Variants in DOCK7 observed in about 807,000 individuals in gnomAD.
DOCK7 encodes the protein dedicator of cytokinesis protein 7.
Under a neutral mutation model 271.0 loss-of-function variants are expected in DOCK7, and 138 were observed. The observed-to-expected ratio is 0.51, with a 90% confidence interval of 0.44 to 0.59. The LOEUF (loss-of-function observed/expected upper bound fraction) is 0.59, where lower values mean the gene tolerates loss of function less well. Among genes scored for constraint, DOCK7 ranks in the 20% least tolerant of loss-of-function variants. The pLI is 0.00. For missense variants in DOCK7, 2,066 were observed against 2,592.4 expected (o/e 0.80, Z 4.41); for synonymous variants, 823 against 876.1 (o/e 0.94, Z 1.07).
intron 1 of DOCK7, among the ~76,000 whole-genome samples, chr1:62,674,334 G>T (rs935076812): frequency 8.5e-5 from 13 of 152,062 alleles, no homozygotes. Context: ...CATTTTCATG[G>T]ATTGGAAGAC....
chr1:62,602,174 A>C (rs527315290), intron 14 of DOCK7: 2 of 872,970 alleles, frequency 2.3e-6, no homozygotes, highest in African/African-American at 3.4e-5. Context: ...CCATAACATT[A>C]ATAAACTACC....
chr1:62,464,408 G>A (rs141044502), intron 48 of DOCK7, among the ~76,000 whole-genome samples: 5,607 of 150,740 alleles, frequency 0.037, 256 homozygotes, highest in African/African-American at 0.11. Context: ...TTGGCTGGGC[G>A]CAGTGGCTCA....
At chr1:62,673,559 A>C (rs1660232255) in intron 1 of DOCK7, among the ~76,000 whole-genome samples, 1 of 152,178 alleles carries the variant, frequency 6.6e-6, no homozygotes, top group Non-Finnish European at 1.5e-5. Context: ...GAGAGAAAAG[A>C]AAAGTATCTA....
At chr1:62,538,792 C>T (rs1467973850) in intron 27 of DOCK7, among the ~76,000 whole-genome samples, 1 of 152,162 alleles carries the variant, frequency 6.6e-6, no homozygotes, top group Admixed American at 6.5e-5. Flanking sequence ...AATCTGTAGA[C>T]CAGTTGTGAG....
At chr1:62,493,397 A>T (rs1271083482) in intron 40 of DOCK7, among the ~76,000 whole-genome samples, 2 of 152,200 alleles carry the variant, frequency 1.3e-5, no homozygotes, top group Non-Finnish European at 2.9e-5. Context: ...TTTGAAGTAG[A>T]TCTAAGGCCT....
chr1:62,598,020 C>T, intron 14 of DOCK7: 2 of 1,576,270 alleles, frequency 1.3e-6, no homozygotes, highest in Non-Finnish European at 8.5e-7. Context: ...AATTCAAAAT[C>T]AACCTGAAAC....
intron 16 of DOCK7, among the ~76,000 whole-genome samples, chr1:62,579,784 A>G (rs986600663): frequency 1.3e-5 from 2 of 151,698 alleles, no homozygotes; most frequent in East Asian, 1.9e-4. Context: ...AAAAAAAGTT[A>G]CCTAAATCCT....
chr1:62,482,987 CA>C (rs1646172581), intron 43 of DOCK7: 1 of 152,020 alleles, frequency 6.6e-6, no homozygotes, highest in Non-Finnish European at 1.5e-5. Context: ...ATATCATCTA[CA>C]TAGTAAATAT....
chr1:62,675,258 C>T (rs889898627), intron 1 of DOCK7, among the ~76,000 whole-genome samples: 1 of 151,926 alleles, frequency 6.6e-6, no homozygotes. Context: ...AAAAAATTAG[C>T]CAGATGTGGT....
At chr1:62,679,877 G>T (rs958177762) in intron 1 of DOCK7, among the ~76,000 whole-genome samples, 2 of 152,086 alleles carry the variant, frequency 1.3e-5, no homozygotes, top group African/African-American at 4.8e-5. Context: ...ACTGCTCAAC[G>T]AAATAAAAGA....
chr1:62,659,536 C>T (rs190250082), intron 2 of DOCK7, among the ~76,000 whole-genome samples: 2 of 151,006 alleles, frequency 1.3e-5, no homozygotes, highest in East Asian at 3.9e-4. Flanking sequence ...AGATTTAAAC[C>T]CTAACAGAGT....
At chr1:62,456,706 T>G (rs1169240640) in intron 49 of DOCK7, among the ~76,000 whole-genome samples, 1 of 151,988 alleles carries the variant, frequency 6.6e-6, no homozygotes, top group Admixed American at 6.6e-5. Flanking sequence ...TCCATGGAGA[T>G]CTGAAGGAAC....
chr1:62,672,893 C>A (rs1326074518), intron 1 of DOCK7, among the ~76,000 whole-genome samples: 1 of 152,040 alleles, frequency 6.6e-6, no homozygotes, highest in Non-Finnish European at 1.5e-5. Flanking sequence ...AATGATTTGT[C>A]TATTTTCCAA....
At chr1:62,528,092 T>C (rs1025038025) in intron 31 of DOCK7, 59 bp downstream of exon 31, 18 of 1,544,308 alleles carry the variant, frequency 1.2e-5, no homozygotes, top group East Asian at 2.3e-5. Flanking sequence ...TTTAAGGGCA[T>C]ATCCTAGTAA....
At chr1:62,573,894 C>A (rs545812439) in intron 18 of DOCK7, among the ~76,000 whole-genome samples, 47 of 152,162 alleles carry the variant, frequency 3.1e-4, no homozygotes, top group Admixed American at 2.1e-3. Flanking sequence ...CCTTCCAAAG[C>A]ACTGGGATTA....
intron 37 of DOCK7, among the ~76,000 whole-genome samples, chr1:62,497,118 G>C (rs1442059201): frequency 6.6e-6 from 1 of 151,952 alleles, no homozygotes; most frequent in Non-Finnish European, 1.5e-5. Flanking sequence ...TTACATCTTT[G>C]TATATTTAAA....
intron 10 of DOCK7, among the ~76,000 whole-genome samples, chr1:62,632,371 G>A (rs1654730070): frequency 6.6e-6 from 1 of 152,122 alleles, no homozygotes; most frequent in Non-Finnish European, 1.5e-5. Flanking sequence ...ATGACAACCT[G>A]GGGACAGCCA....
At position 62,542,642 on chromosome 1, in the gene DOCK7, G is replaced by A; in HGVS notation, c.3011C>T (p.Ala1004Val). 3.1e-6 allele frequency: 5 copies of A among 1,612,998 alleles called. No individual in the cohort carries two copies. The highest frequency in any genetic ancestry group is 3.4e-6 in the Non-Finnish European group (4 of 1,179,362). The change falls in exon 25 of 50, where the codon GCT becomes GTT. Residue 1004 changes from alanine (A) to valine (V), a missense_variant. Transcript: ENST00000635253. ...VVCSGSVRES[A>V]LQQAWFFFEL... is the part of the protein sequence containing the mutation. ...AAAAAAGAACCAGGCTTGTTGCAAA[G>A]CTGATTCCCGAACGCTGCCACTGCA... is the stretch of plus-strand genomic sequence containing the variant.
intron 37 of DOCK7, 60 bp from the exon 38 acceptor site, chr1:62,496,557 A>G: frequency 6.8e-7 from 1 of 1,476,240 alleles, no homozygotes; most frequent in Non-Finnish European, 9.1e-7. Flanking sequence ...AAAGTCTGCT[A>G]TTTTTCCTTG....
Sources: allele counts gnomAD v4.1 joint callset (sites outside exome capture counted in the v4.1 genomes callset), GRCh38; gene constraint gnomAD v4.1.1; transcripts MANE v1.5; gene names NCBI Gene and HGNC (gene_info 2026-07-23, HGNC 2026-07-21).